Variants in RORA observed in about 807,000 individuals in gnomAD.
RORA encodes nuclear receptor ROR-alpha.
A neutral mutation model predicts 69.5 loss-of-function variants in RORA; 7 were observed. The ratio of observed to expected loss-of-function variants is 0.10; its 90% confidence interval spans 0.06 to 0.19. The LOEUF (loss-of-function observed/expected upper bound fraction) is 0.19, where lower values mean the gene tolerates loss of function less well. Ranked by LOEUF, RORA falls within the 10% of genes least tolerant of loss-of-function variation. RORA has a pLI of 1.00. For synonymous variants in RORA, 261 were observed against 240.8 expected (o/e 1.08, Z -0.78); for missense variants, 457 against 663.0 (o/e 0.69, Z 3.41).
chr15:61,103,214 G>A (rs1174009699), intron 1 of RORA, among the ~76,000 whole-genome samples: 1 of 152,152 alleles, frequency 6.6e-6, no homozygotes, highest in Non-Finnish European at 1.5e-5. Context: ...TCCTGGGCGG[G>A]GCTGAGGAAC....
intron 1 of RORA, among the ~76,000 whole-genome samples, chr15:60,894,909 A>T (rs1891189712): frequency 6.6e-6 from 1 of 152,192 alleles, no homozygotes; most frequent in Non-Finnish European, 1.5e-5. Flanking sequence ...TCGCACAGAC[A>T]CCAGGGCTCG....
intron 1 of RORA, among the ~76,000 whole-genome samples, chr15:60,896,127 T>C (rs978333668): frequency 6.6e-6 from 1 of 152,124 alleles, no homozygotes; most frequent in Non-Finnish European, 1.5e-5. Context: ...ATTAAGTGAG[T>C]GTTCAGAGAA....
intron 1 of RORA, among the ~76,000 whole-genome samples, chr15:60,863,309 C>A (rs570836053): frequency 1.3e-5 from 2 of 152,172 alleles, no homozygotes; most frequent in Non-Finnish European, 2.9e-5. Flanking sequence ...TCTAACACTA[C>A]AATGTACACC....
At chr15:60,553,061 T>C (rs1233841559) in intron 2 of RORA, among the ~76,000 whole-genome samples, 1 of 152,190 alleles carries the variant, frequency 6.6e-6, no homozygotes. Flanking sequence ...CACAGGGCTG[T>C]TATGAGGCTC....
intron 1 of RORA, among the ~76,000 whole-genome samples, chr15:60,799,698 A>G (rs1200074758): frequency 6.6e-6 from 1 of 152,064 alleles, no homozygotes; most frequent in Non-Finnish European, 1.5e-5. Flanking sequence ...AAAAATCAAA[A>G]TCATTTATTT....
At chr15:61,062,550 G>A (rs971272729) in intron 1 of RORA, among the ~76,000 whole-genome samples, 1 of 152,194 alleles carries the variant, frequency 6.6e-6, no homozygotes, top group Non-Finnish European at 1.5e-5. Flanking sequence ...AGAGCAGGGC[G>A]AGTGATTCAG....
chr15:61,107,892 C>A (rs199763987), intron 1 of RORA, among the ~76,000 whole-genome samples: 6 of 151,862 alleles, frequency 4.0e-5, no homozygotes, highest in African/African-American at 1.2e-4. Flanking sequence ...CTGACCAGAT[C>A]AAAAACAAGC....
intron 1 of RORA, among the ~76,000 whole-genome samples, chr15:61,210,932 G>A (rs111354664): frequency 6.6e-6 from 1 of 152,238 alleles, no homozygotes; most frequent in Admixed American, 6.5e-5. Context: ...AGCTGTCGCT[G>A]GAGCTCGAGA....
intron 1 of RORA, among the ~76,000 whole-genome samples, chr15:61,098,496 A>G (rs2078830606): frequency 6.6e-6 from 1 of 151,996 alleles, no homozygotes; most frequent in Non-Finnish European, 1.5e-5. Context: ...ACATGCCATC[A>G]TGCCCAGCTA....
chr15:60,714,070 TC>T (rs1719095131), intron 1 of RORA, among the ~76,000 whole-genome samples: 2 of 152,028 alleles, frequency 1.3e-5, no homozygotes, highest in East Asian at 3.9e-4. Flanking sequence ...TTTTTTTTTT[TC>T]GAGACAGAGT....
intron 1 of RORA, among the ~76,000 whole-genome samples, chr15:61,124,111 T>C (rs2140825531): frequency 6.6e-6 from 1 of 152,306 alleles, no homozygotes; most frequent in East Asian, 1.9e-4. Flanking sequence ...TCAAAGCAGA[T>C]TTCCCTTGCT....
At chr15:61,174,508 G>A (rs1265633515) in intron 1 of RORA, among the ~76,000 whole-genome samples, 1 of 152,180 alleles carries the variant, frequency 6.6e-6, no homozygotes, top group African/African-American at 2.4e-5. Context: ...GGCAAAAGAG[G>A]GGCGGGAAAT....
At chr15:61,075,239 C>T (rs1220485331) in intron 1 of RORA, among the ~76,000 whole-genome samples, 1 of 152,074 alleles carries the variant, frequency 6.6e-6, no homozygotes, top group Non-Finnish European at 1.5e-5. Context: ...CACAAAAGCA[C>T]CATGAATTGA....
At chr15:60,795,869 A>T (rs528433080) in intron 1 of RORA, among the ~76,000 whole-genome samples, 6 of 152,350 alleles carry the variant, frequency 3.9e-5, no homozygotes, top group Admixed American at 3.3e-4. Context: ...TAATGGAGAT[A>T]ACTTTGGGAA....
At chr15:60,798,837 A>C (rs921669711) in intron 1 of RORA, among the ~76,000 whole-genome samples, 34 of 152,110 alleles carry the variant, frequency 2.2e-4, no homozygotes, top group Admixed American at 2.2e-3. Flanking sequence ...CCCACTCTAA[A>C]GTGGAGGCAA....
chr15:60,860,018 G>A (rs2073421874), intron 1 of RORA, among the ~76,000 whole-genome samples: 1 of 152,172 alleles, frequency 6.6e-6, no homozygotes, highest in African/African-American at 2.4e-5. Flanking sequence ...ACCGGGAACA[G>A]AACTGGACGT....
intron 1 of RORA, among the ~76,000 whole-genome samples, chr15:60,832,969 A>C (rs1260465715): frequency 6.6e-6 from 1 of 151,562 alleles, no homozygotes; most frequent in Non-Finnish European, 1.5e-5. Context: ...CAGTGGCGTG[A>C]TCTCGGCTCA....
chr15:60,732,578 T>A (rs1182797171), intron 1 of RORA, among the ~76,000 whole-genome samples: 2 of 152,214 alleles, frequency 1.3e-5, no homozygotes, highest in Non-Finnish European at 2.9e-5. Flanking sequence ...TTAGTTCAAC[T>A]GTGTCAGAGG....
intron 1 of RORA, among the ~76,000 whole-genome samples, chr15:61,130,631 G>C (rs2079182355): frequency 6.6e-6 from 1 of 152,170 alleles, no homozygotes; most frequent in Admixed American, 6.5e-5. Flanking sequence ...ATAAAATGGA[G>C]ATAAGTATAT....
Sources: allele counts gnomAD v4.1 joint callset (sites outside exome capture counted in the v4.1 genomes callset), GRCh38; gene constraint gnomAD v4.1.1; transcripts MANE v1.5; gene names NCBI Gene and HGNC (gene_info 2026-07-23, HGNC 2026-07-21).